The following KCNAB1 variants were observed in gnomAD, a reference collection of about 807,000 sequenced individuals.
KCNAB1 encodes voltage-gated potassium channel subunit beta-1.
In KCNAB1, 35 loss-of-function variants were observed where a neutral mutation model predicts 64.6. That is an observed-to-expected ratio of 0.54 (90% CI 0.41 to 0.72). The LOEUF (loss-of-function observed/expected upper bound fraction) is 0.72. Ranked by LOEUF, KCNAB1 falls within the 30% of genes least tolerant of loss-of-function variation. The probability of loss-of-function intolerance (pLI) is 0.00; values close to 1 mark genes in which losing one functional copy is unlikely to be tolerated. For synonymous variants in KCNAB1, 177 were observed against 183.8 expected, an observed-to-expected ratio of 0.96 and a Z score of 0.30; for missense variants, 401 against 512.9, an observed-to-expected ratio of 0.78 and a Z score of 2.11.
At chr3:156,327,427 T>C (rs2108037459) in intron 1 of KCNAB1, among the ~76,000 whole-genome samples, 1 of 152,280 alleles carries the variant, frequency 6.6e-6, no homozygotes, top group South Asian at 2.1e-4. Context: ...TATATGCTAA[T>C]ATTAGCATCA....
rs776717744 is a variant in KCNAB1 at position 156,296,476 on chromosome 3, C to CTT, written c.276-125126_276-125125dup. ...AAACTTCAACTCCCCCCCCCCCCAC[C>CTT]TTTTTTTTTTTTTTTGAGATGGAGT... On this transcript the variant is annotated intron_variant, in intron 1 of 13. Transcript: ENST00000490337. Among the ~76,000 whole-genome samples, 562 of 110,994 alleles carry CTT rather than the reference C, an allele frequency of 5.1e-3. 14 individuals are homozygous for CTT. Among genetic ancestry groups the CTT allele is most frequent in the African/African-American group, 0.012 (385 of 31,808 alleles). 72.8% of individuals were successfully genotyped at this position (110,994 alleles called of 152,430 possible). A position where few individuals can be genotyped will look rare whatever the true frequency, so the allele number is the denominator to read the frequency against.
chr3:156,165,464 C>G (rs1365568003), intron 1 of KCNAB1, among the ~76,000 whole-genome samples: 1 of 152,036 alleles, frequency 6.6e-6, no homozygotes, highest in Admixed American at 6.5e-5. Context: ...TTGCTCTGTG[C>G]TCAGTCTGGC....
intron 5 of KCNAB1, among the ~76,000 whole-genome samples, chr3:156,462,732 GC>G (rs1198337152): frequency 6.6e-6 from 1 of 152,142 alleles, no homozygotes; most frequent in African/African-American, 2.4e-5. Context: ...AATTATAAAC[GC>G]CTTATTTCAA....
At chr3:156,143,424 C>A in intron 1 of KCNAB1, 1 of 1,548,108 alleles carries the variant, frequency 6.5e-7, no homozygotes, top group Non-Finnish European at 8.7e-7. Context: ...CATACAGGTA[C>A]TGCTGATTGC....
intron 7 of KCNAB1, among the ~76,000 whole-genome samples, chr3:156,470,935 A>G (rs549579542): frequency 6.6e-6 from 1 of 152,342 alleles, no homozygotes; most frequent in South Asian, 2.1e-4. Context: ...AGGCACAGCC[A>G]TATGCTGAAT....
intron 1 of KCNAB1, among the ~76,000 whole-genome samples, chr3:156,421,337 A>C (rs1715451840): frequency 5.3e-5 from 8 of 152,250 alleles, no homozygotes; most frequent in Admixed American, 5.2e-4. Context: ...GAAAGCCAGT[A>C]AATGGGTAAA....
intron 1 of KCNAB1, among the ~76,000 whole-genome samples, chr3:156,304,979 C>T (rs960550819): frequency 4.0e-5 from 6 of 151,656 alleles, no homozygotes; most frequent in Non-Finnish European, 4.4e-5. Context: ...AAGGTGCACA[C>T]ACATACATGA....
chr3:156,273,604 T>C lies in KCNAB1; in HGVS notation c.276-148012T>C, dbSNP rs113966219. 64 of 456,588 alleles carry C rather than the reference T, an allele frequency of 1.4e-4. 1 individual carries two copies. Among genetic ancestry groups the C allele is most frequent in the African/African-American group, 1.0e-3 (52 of 50,184 alleles). The allele number at this position is 456,588 out of a possible 1,614,324, so 28.3% of individuals were successfully genotyped here. On this transcript the variant is annotated intron_variant, in intron 1 of 13. Transcript: ENST00000490337. ...CTGCTGCTGTGGGGTGGGAGAAGGG[T>C]GGCATCGGCAATTCACCGCTGTCTT...
chr3:156,406,110 G>A (rs1424842045), intron 1 of KCNAB1, among the ~76,000 whole-genome samples: 1 of 152,148 alleles, frequency 6.6e-6, no homozygotes. Context: ...TTTAAAAGAT[G>A]AAATTTGTTA....
chr3:156,449,893 A>C (rs1414758045), intron 2 of KCNAB1, among the ~76,000 whole-genome samples: 2 of 152,210 alleles, frequency 1.3e-5, no homozygotes, highest in African/African-American at 4.8e-5. Context: ...TTGTAGAGTC[A>C]GCAAAAAGCT....
intron 1 of KCNAB1, among the ~76,000 whole-genome samples, chr3:156,251,751 C>G (rs997796103): frequency 6.6e-6 from 1 of 152,132 alleles, no homozygotes; most frequent in Non-Finnish European, 1.5e-5. Context: ...AGCCAAAGAA[C>G]AAGAGGAATC....
At chr3:156,215,452 A>G (rs1194655571) in intron 1 of KCNAB1, 2 of 152,250 alleles carry the variant, frequency 1.3e-5, no homozygotes, top group Admixed American at 1.3e-4. Flanking sequence ...GAACAAGATA[A>G]GTTTTATTTC....
downstream of KCNAB1, chr3:156,538,775 A>AAAG (rs1440569129): frequency 2.0e-5 from 3 of 152,266 alleles, no homozygotes; most frequent in African/African-American, 4.8e-5. Context: ...GTAGTGATCA[A>AAAG]AAGTCTGAGA....
intron 1 of KCNAB1, among the ~76,000 whole-genome samples, chr3:156,406,924 C>T (rs894562357): frequency 6.6e-5 from 10 of 152,154 alleles, no homozygotes; most frequent in African/African-American, 1.9e-4. Flanking sequence ...AAACCCTCAC[C>T]AGTATGGGAG....
Position 156,452,981 on chromosome 3 carries a change from G to A in KCNAB1, c.357+45G>A. 2 of 1,409,864 alleles carry A rather than the reference G, an allele frequency of 1.4e-6. No individual in the cohort carries two copies. The highest frequency in any genetic ancestry group is 2.0e-6 in the Non-Finnish European group (2 of 1,003,020). 87.3% of individuals were successfully genotyped at this position (1,409,864 alleles called of 1,614,324 possible). ...TATTATGCTAATGAAAGAAAATGCAGAGAGAGCTGTATTGCAGGAGTCCTC... is the reference window on the plus strand; with the variant it reads ...TATTATGCTAATGAAAGAAAATGCAAAGAGAGCTGTATTGCAGGAGTCCTC... On this transcript the variant is annotated intron_variant, in intron 3 of 13. Transcript: ENST00000490337. This position sits in a 1 kb window ranked among gnomAD's most constrained non-coding sequence, Gnocchi z 4.6.
chr3:156,173,966 A>G (rs1712180310), intron 1 of KCNAB1, among the ~76,000 whole-genome samples: 1 of 152,236 alleles, frequency 6.6e-6, no homozygotes, highest in Non-Finnish European at 1.5e-5. Context: ...GCCCTCAGAC[A>G]GTGACATATA....
intron 1 of KCNAB1, among the ~76,000 whole-genome samples, chr3:156,172,288 T>TTG (rs1161582286): frequency 6.6e-6 from 1 of 151,956 alleles, no homozygotes; most frequent in East Asian, 1.9e-4. Flanking sequence ...ATGGCTTTTT[T>TTG]TTTTTTTTGG....
rs1712321997 is a variant in KCNAB1, at chr3:156,175,689, C to T, written c.275+54803C>T. ...GAGGCCACGGGGAGCTTGCCTTAGT[C>T]ATCCTGGTGAAATGGGATAGCAGTG... On this transcript the variant is annotated intron_variant, in intron 1 of 13. Coordinates refer to ENST00000490337, the MANE Select transcript of KCNAB1 (RefSeq NM_172160.3). 3.3e-5 allele frequency among the ~76,000 whole-genome samples: 5 copies of T among 152,202 alleles called. No individual in the cohort carries two copies. In the South Asian group the frequency reaches 1.0e-3, roughly 32 times the overall value.
In KCNAB1 at chr3:156,514,449, G is replaced by T; in HGVS notation, c.744G>T (p.Met248Ile). 1 of 1,609,522 alleles carries T rather than the reference G, an allele frequency of 6.2e-7. No homozygotes were observed. Among genetic ancestry groups the T allele is most frequent in the South Asian group, 1.1e-5 (1 of 90,864 alleles). ...GTSRWSAMEIMEAYSVARQFN... is the reference protein window; with the variant it reads ...GTSRWSAMEIIEAYSVARQFN... ...CGAGATGGAGTGCTATGGAGATCAT[G>T]GTAATTTAACTTCTATTTTTAAATG... The change falls in exon 9 of 14, where the codon ATG becomes ATT. Residue 248 changes from methionine (M) to isoleucine (I), a missense_variant and splice_region_variant. By Grantham distance (10) the Met-to-Ile change is conservative. Coordinates refer to ENST00000490337, the MANE Select transcript of KCNAB1 (RefSeq NM_172160.3).
Sources: gnomAD v4.1 joint callset for allele counts (sites outside exome capture counted in the v4.1 genomes callset) on GRCh38, gnomAD v4.1.1 for gene constraint, Gnocchi (gnomAD v3.1) non-coding constraint, MANE v1.5 for transcripts, NCBI Gene and HGNC (gene_info 2026-07-23, HGNC 2026-07-21) for gene names.